Variants in MYO1D observed in about 807,000 individuals in gnomAD.
The protein encoded by MYO1D is unconventional myosin-Id.
MYO1D carries 83 observed loss-of-function variants against 122.0 expected under a neutral mutation model. The observed-to-expected ratio is 0.68, with a 90% CI of 0.57 to 0.82. MYO1D has a LOEUF of 0.82. MYO1D is among the 40% of genes least tolerant of loss of function. The pLI, the probability that MYO1D is intolerant of heterozygous loss-of-function variation, is 0.00. For missense variants in MYO1D, 1,157 were observed against 1,269.5 expected, an observed-to-expected ratio of 0.91 and a Z score of 1.35; for synonymous variants, 464 against 446.9, an observed-to-expected ratio of 1.04 and a Z score of -0.48.
In MYO1D at chr17:32,820,651, T is replaced by C. The variant is rs138269279; in HGVS notation, c.96-39867A>G. On this transcript the variant is annotated intron_variant, in intron 1 of 21. Coordinates refer to ENST00000318217, the MANE Select transcript of MYO1D (RefSeq NM_015194.3). Reference sequence around the variant, plus strand: ...AATTATGACCATATGAGGGCATATATGGTCAAGGGATGGCGGACATGGAGA... The same window carrying C: ...AATTATGACCATATGAGGGCATATACGGTCAAGGGATGGCGGACATGGAGA... 8.4e-4 allele frequency among the ~76,000 whole-genome samples: 128 copies of C among 152,322 alleles called. 1 individual carries two copies. Among genetic ancestry groups the C allele is most frequent in the Admixed American group, 2.6e-3 (39 of 15,288 alleles).
At chr17:32,659,051 T>A (rs2088515316) in intron 17 of MYO1D, 64 bp downstream of exon 17, 6 of 1,425,876 alleles carry the variant, frequency 4.2e-6, no homozygotes, top group Non-Finnish European at 5.9e-6. Context: ...CTCAGACTTG[T>A]GACTTTGCAT....
At chr17:32,762,532 T>G (rs1264577314) in intron 8 of MYO1D, among the ~76,000 whole-genome samples, 2 of 152,158 alleles carry the variant, frequency 1.3e-5, no homozygotes, top group Non-Finnish European at 2.9e-5. Context: ...CCATTCTTAC[T>G]CTAGCCCCCA....
chr17:32,571,289 T>A lies in MYO1D; in HGVS notation c.2864+33798A>T, dbSNP rs147640489. Among the ~76,000 whole-genome samples the A allele has an allele frequency of 9.7e-4, 147 of 151,960 alleles. 3 individuals are homozygous for A. The East Asian group carries it at 0.025, about 25-fold the overall frequency. Reference sequence around the variant, plus strand: ...GAAAACCTCATTGGTTGGTAAATGGTCAAAAACTGACCACACTCTTCTGGT... The same window carrying A: ...GAAAACCTCATTGGTTGGTAAATGGACAAAAACTGACCACACTCTTCTGGT... On this transcript the variant is annotated intron_variant, in intron 21 of 21. Coordinates refer to ENST00000318217, the MANE Select transcript of MYO1D (RefSeq NM_015194.3).
At chr17:32,635,876 T>C (rs1457849983) in intron 20 of MYO1D, among the ~76,000 whole-genome samples, 3 of 152,180 alleles carry the variant, frequency 2.0e-5, no homozygotes, top group Non-Finnish European at 4.4e-5. Flanking sequence ...TGACTACTCT[T>C]ATTTCTGAAA....
chr17:32,769,548 A>G (rs909931890), intron 6 of MYO1D, among the ~76,000 whole-genome samples: 11 of 152,242 alleles, frequency 7.2e-5, no homozygotes, highest in Admixed American at 3.9e-4. Context: ...AGATACACAC[A>G]GTGCAATACT....
intron 21 of MYO1D, among the ~76,000 whole-genome samples, chr17:32,523,046 AC>A (rs1361331090): frequency 6.6e-6 from 1 of 152,120 alleles, no homozygotes; most frequent in Non-Finnish European, 1.5e-5. Flanking sequence ...CGATCTCCTG[AC>A]CTTGTGATCT....
At chr17:32,777,720 C>T (rs914281353) in intron 3 of MYO1D, among the ~76,000 whole-genome samples, 7 of 151,678 alleles carry the variant, frequency 4.6e-5, no homozygotes, top group East Asian at 3.9e-4. Context: ...CCGAGGCGGA[C>T]GGGTCACGAG....
intron 14 of MYO1D, among the ~76,000 whole-genome samples, chr17:32,725,015 G>A (rs770493659): frequency 6.6e-6 from 1 of 152,012 alleles, no homozygotes; most frequent in African/African-American, 2.4e-5. Context: ...AAAAATAAAC[G>A]AACCTGCAGG....
intron 21 of MYO1D, among the ~76,000 whole-genome samples, chr17:32,544,016 C>T (rs1478349174): frequency 6.6e-6 from 1 of 151,926 alleles, no homozygotes; most frequent in African/African-American, 2.4e-5. Flanking sequence ...TGGTCTTGAC[C>T]TCCCGACCTC....
chr17:32,689,953 T>C (rs1459822975), intron 16 of MYO1D, among the ~76,000 whole-genome samples: 4 of 152,126 alleles, frequency 2.6e-5, no homozygotes, highest in Non-Finnish European at 5.9e-5. Flanking sequence ...CTTGAACTCC[T>C]GACCTCAGGT....
At chr17:32,607,101 A>C (rs1172754802) in intron 20 of MYO1D, among the ~76,000 whole-genome samples, 1 of 152,212 alleles carries the variant, frequency 6.6e-6, no homozygotes, top group Non-Finnish European at 1.5e-5. Context: ...CGGAGGTTGC[A>C]GTGAGTTGAG....
chr17:32,856,936 C>T (rs779844553), intron 1 of MYO1D, among the ~76,000 whole-genome samples: 49 of 152,328 alleles, frequency 3.2e-4, no homozygotes, highest in Admixed American at 7.8e-4. Flanking sequence ...TCCCCTCCCC[C>T]CAAGTCTGTA....
intron 21 of MYO1D, among the ~76,000 whole-genome samples, chr17:32,590,038 G>GC (rs2087424424): frequency 6.6e-6 from 1 of 152,222 alleles, no homozygotes; most frequent in African/African-American, 2.4e-5. Context: ...GCATTCTTGA[G>GC]CATGTATAGG....
chr17:32,866,661 A>C (rs1431246829), intron 1 of MYO1D, among the ~76,000 whole-genome samples: 1 of 152,230 alleles, frequency 6.6e-6, no homozygotes, highest in Non-Finnish European at 1.5e-5. Context: ...AACCTAACTC[A>C]ATCTCTAGTT....
chr17:32,660,475 G>A (rs556895908), intron 16 of MYO1D, among the ~76,000 whole-genome samples: 1 of 152,304 alleles, frequency 6.6e-6, no homozygotes, highest in Non-Finnish European at 1.5e-5. Flanking sequence ...TGACTCAGTT[G>A]TTTTAGGTTT....
chr17:32,662,923 T>C (rs900918645), intron 16 of MYO1D, among the ~76,000 whole-genome samples: 11 of 149,850 alleles, frequency 7.3e-5, no homozygotes, highest in East Asian at 3.9e-4. Flanking sequence ...CTTTTCTTTT[T>C]TTTTTTTTTT....
intron 21 of MYO1D, among the ~76,000 whole-genome samples, chr17:32,514,535 A>C (rs1357723212): frequency 9.9e-5 from 15 of 152,246 alleles, no homozygotes; most frequent in African/African-American, 3.6e-4. Context: ...TATAAAGGGG[A>C]AAGGAGGGAA....
chr17:32,857,569 A>G (rs2091037513), intron 1 of MYO1D, among the ~76,000 whole-genome samples: 1 of 146,140 alleles, frequency 6.8e-6, no homozygotes, highest in African/African-American at 2.6e-5. Context: ...TGGACGACAG[A>G]GCAAGACTCC....
intron 21 of MYO1D, among the ~76,000 whole-genome samples, chr17:32,593,036 G>A (rs527252255): frequency 4.6e-5 from 7 of 152,260 alleles, no homozygotes; most frequent in African/African-American, 1.2e-4. Context: ...AGACTTCCAT[G>A]TTCTTGGAAG....
Sources: gnomAD v4.1 joint callset for allele counts (sites outside exome capture counted in the v4.1 genomes callset) on GRCh38, gnomAD v4.1.1 for gene constraint, MANE v1.5 for transcripts, NCBI Gene and HGNC (gene_info 2026-07-23, HGNC 2026-07-21) for gene names.